Variants in TRABD2B observed in about 807,000 individuals in gnomAD.
The protein encoded by TRABD2B is TraB domain containing 2B.
Under a neutral mutation model 40.1 loss-of-function variants are expected in TRABD2B, and 14 were observed. That is an observed-to-expected ratio of 0.35 (90% CI 0.23 to 0.55). The LOEUF is 0.55. TRABD2B is among the 20% of genes least tolerant of loss of function. The pLI, the probability that TRABD2B is intolerant of heterozygous loss-of-function variation, is 0.90. For synonymous variants in TRABD2B, 263 were observed against 277.0 expected (o/e 0.95, Z 0.50); for missense variants, 541 against 648.6 (o/e 0.83, Z 1.80).
chr1:47,821,024 C>T (rs949773552), intron 2 of TRABD2B, among the ~76,000 whole-genome samples: 1 of 152,142 alleles, frequency 6.6e-6, no homozygotes, highest in Admixed American at 6.5e-5. Flanking sequence ...ATCTGTGTAT[C>T]GTGATGGTGC....
At chr1:47,824,937 T>C (rs1398639952) in intron 2 of TRABD2B, among the ~76,000 whole-genome samples, 1 of 152,180 alleles carries the variant, frequency 6.6e-6, no homozygotes, top group East Asian at 1.9e-4. Flanking sequence ...GGAGGCCAAC[T>C]TGGCCAGCAC....
chr1:47,798,209 A>G (rs1644774072), intron 3 of TRABD2B, among the ~76,000 whole-genome samples: 1 of 152,224 alleles, frequency 6.6e-6, no homozygotes, highest in Non-Finnish European at 1.5e-5. Flanking sequence ...GTGAGCCCAG[A>G]GGAGGCACCT....
At chr1:47,917,284 A>G (rs903787988) in intron 2 of TRABD2B, among the ~76,000 whole-genome samples, 1 of 152,218 alleles carries the variant, frequency 6.6e-6, no homozygotes, top group Non-Finnish European at 1.5e-5. Context: ...AGGATGCTCC[A>G]CTGAGATTCT....
intron 2 of TRABD2B, among the ~76,000 whole-genome samples, chr1:47,902,951 G>C (rs781595464): frequency 2.6e-5 from 4 of 152,088 alleles, no homozygotes; most frequent in African/African-American, 9.7e-5. Flanking sequence ...ATTCATCCTG[G>C]TATCTTAAAC....
chr1:47,936,034 C>G (rs1401924980), intron 2 of TRABD2B, among the ~76,000 whole-genome samples: 1 of 152,132 alleles, frequency 6.6e-6, no homozygotes, highest in African/African-American at 2.4e-5. Flanking sequence ...GCGTAGTAAA[C>G]AGAAGAACAT....
At chr1:47,874,841 C>T (rs915402355) in intron 2 of TRABD2B, among the ~76,000 whole-genome samples, 1 of 152,096 alleles carries the variant, frequency 6.6e-6, no homozygotes, top group Admixed American at 6.5e-5. Context: ...GCCACAGCCT[C>T]CCAAGTGCTG....
chr1:47,974,983 C>T (rs1316226622), intron 2 of TRABD2B, among the ~76,000 whole-genome samples: 1 of 152,182 alleles, frequency 6.6e-6, no homozygotes, highest in Non-Finnish European at 1.5e-5. Flanking sequence ...GGACAGTGCT[C>T]TTCAAAACTG....
In TRABD2B at chr1:47,764,155, C is replaced by T. The variant is rs909569126; in HGVS notation, c.*1747G>A. On this transcript the variant is annotated 3_prime_UTR_variant, in exon 7 of 7. Coordinates refer to ENST00000606738, the MANE Select transcript of TRABD2B (RefSeq NM_001194986.2). ...CAAGCTGGGCAAGATGGCACTGGGG[C>T]CAATTAGCTGCCATCAAGCCTGCCA... 1 of 152,256 alleles carries T rather than the reference C, an allele frequency of 6.6e-6. No individual in the cohort carries two copies. Among genetic ancestry groups the T allele is most frequent in the Admixed American group, 6.5e-5 (1 of 15,288 alleles). The allele number at this position is 152,256 out of a possible 1,614,324, so 9.4% of individuals were successfully genotyped here.
intron 2 of TRABD2B, among the ~76,000 whole-genome samples, chr1:47,965,666 C>G (rs191008): frequency 6.6e-6 from 1 of 152,194 alleles, no homozygotes; most frequent in Non-Finnish European, 1.5e-5. Flanking sequence ...CACCTCTCTT[C>G]CCACTTCAGT....
intron 4 of TRABD2B, among the ~76,000 whole-genome samples, chr1:47,791,345 G>A (rs919508407): frequency 6.6e-6 from 1 of 152,238 alleles, no homozygotes; most frequent in African/African-American, 2.4e-5. Flanking sequence ...ACCTGGCAAG[G>A]CTGGGTTGGT....
At chr1:47,811,076 G>A (rs1168210803) in intron 2 of TRABD2B, among the ~76,000 whole-genome samples, 1 of 152,204 alleles carries the variant, frequency 6.6e-6, no homozygotes, top group Non-Finnish European at 1.5e-5. Context: ...TGGGTGGTGG[G>A]CAGGGCCTGT....
intron 2 of TRABD2B, among the ~76,000 whole-genome samples, chr1:47,854,517 A>G (rs1643871810): frequency 6.6e-6 from 1 of 152,220 alleles, no homozygotes; most frequent in Non-Finnish European, 1.5e-5. Context: ...TCACTTTGCT[A>G]ATTGCCTGGA....
At position 47,828,362 on chromosome 1, in the gene TRABD2B, T is replaced by C. The variant is rs113367511; in HGVS notation, c.667-26743A>G. The stretch of plus-strand genomic sequence containing the variant: ...AGTCCCTGGCGTCCCCCTATGTGGG[T>C]GAGGGGGACAGTATAGGCAGAGGGG... On this transcript the variant is annotated intron_variant, in intron 2 of 6. Coordinates refer to ENST00000606738, the MANE Select transcript of TRABD2B (RefSeq NM_001194986.2). Among the ~76,000 whole-genome samples the C allele has an allele frequency of 5.8e-4, 88 of 152,066 alleles. 4 individuals carry two copies. The highest frequency in any genetic ancestry group is 2.1e-3 in the African/African-American group (87 of 41,490).
chr1:47,975,467 T>C (rs1196816277), intron 2 of TRABD2B, among the ~76,000 whole-genome samples: 4 of 152,184 alleles, frequency 2.6e-5, no homozygotes, highest in Admixed American at 6.5e-5. Context: ...GTCATACCAT[T>C]TGCATCATTA....
chr1:47,906,171 T>C (rs746850521), intron 2 of TRABD2B, among the ~76,000 whole-genome samples: 9 of 152,152 alleles, frequency 5.9e-5, no homozygotes, highest in African/African-American at 2.2e-4. Flanking sequence ...TAAGGCCCCA[T>C]GAAAGAAAAA....
At position 47,762,287 on chromosome 1, in the gene TRABD2B, C is replaced by T. The variant is rs997922115; in HGVS notation, c.*3615G>A. 6.6e-6 allele frequency: 1 copy of T among 152,190 alleles called. No individual in the cohort carries two copies. The highest frequency in any genetic ancestry group is 6.5e-5 in the Admixed American group (1 of 15,288). The allele number at this position is 152,190 out of a possible 1,614,324, so 9.4% of individuals were successfully genotyped here. The stretch of plus-strand genomic sequence containing the variant: ...GTTGGGTCACGAAGGGTCTAGCGGA[C>T]ACTTCAGGGTGAGGCTGAGGACTCT... On this transcript the variant is annotated 3_prime_UTR_variant, in exon 7 of 7. Transcript: ENST00000606738.
At chr1:47,931,582 C>A (rs560542095) in intron 2 of TRABD2B, among the ~76,000 whole-genome samples, 2 of 152,128 alleles carry the variant, frequency 1.3e-5, no homozygotes, top group Non-Finnish European at 1.5e-5. Flanking sequence ...TGAGGTGCCA[C>A]GTGAGAAGTT....
intron 2 of TRABD2B, 42 bp from the exon 3 acceptor site, chr1:47,801,661 G>C: frequency 6.5e-7 from 1 of 1,527,636 alleles, no homozygotes; most frequent in Non-Finnish European, 8.8e-7. Context: ...TGTGCTCAGG[G>C]ACCCTGGCTG....
rs573971962 is a variant in TRABD2B at position 47,814,595 on chromosome 1, G to A, written c.667-12976C>T. On this transcript the variant is annotated intron_variant, in intron 2 of 6. Coordinates refer to ENST00000606738, the MANE Select transcript of TRABD2B (RefSeq NM_001194986.2). ...TTTCCTATTGCCCATTACTGCCCCC[G>A]CTCTCCTTCCCCGACTTTTGAATCT... is the stretch of plus-strand genomic sequence containing the variant. Among the ~76,000 whole-genome samples the A allele has an allele frequency of 4.5e-4, 69 of 152,218 alleles. 1 individual carries two copies. Among genetic ancestry groups the A allele is most frequent in the African/African-American group, 1.6e-3 (66 of 41,526 alleles).
Sources: gnomAD v4.1 joint callset for allele counts (sites outside exome capture counted in the v4.1 genomes callset) on GRCh38, gnomAD v4.1.1 for gene constraint, MANE v1.5 for transcripts, NCBI Gene and HGNC (gene_info 2026-07-23, HGNC 2026-07-21) for gene names.